Variants in GABRB2 observed in about 807,000 individuals in gnomAD.
The protein encoded by GABRB2 is gamma-aminobutyric acid receptor subunit beta-2.
GABRB2 carries 16 observed loss-of-function variants against 54.7 expected under a neutral mutation model. That is an observed-to-expected ratio of 0.29 (90% CI 0.20 to 0.44). GABRB2 has a LOEUF of 0.44. Among genes scored for constraint, GABRB2 ranks in the 20% least tolerant of loss-of-function variants. GABRB2 has a pLI of 1.00. For synonymous variants in GABRB2, 244 were observed against 233.8 expected, an observed-to-expected ratio of 1.04 and a Z score of -0.40; for missense variants, 355 against 644.0, an observed-to-expected ratio of 0.55 and a Z score of 4.86.
At chr5:161,326,287 CACACAT>C in intron 9 of GABRB2, 75 bp downstream of exon 9, 1 of 1,576,586 alleles carries the variant, frequency 6.3e-7, no homozygotes, top group Non-Finnish European at 8.6e-7. Context: ...GCAAAGATCC[CACACAT>C]TTTTTAAGGG....
At chr5:161,353,407 G>A (rs1211703483) in intron 5 of GABRB2, among the ~76,000 whole-genome samples, 1 of 152,060 alleles carries the variant, frequency 6.6e-6, no homozygotes, top group African/African-American at 2.4e-5. Context: ...AGTTGAGAAT[G>A]GGGAAGCCCC....
At chr5:161,318,750 C>G (rs57107021) in intron 9 of GABRB2, among the ~76,000 whole-genome samples, 1 of 151,750 alleles carries the variant, frequency 6.6e-6, no homozygotes, top group African/African-American at 2.4e-5. Context: ...GAAATAAAAT[C>G]AAAAATAAAA....
At chr5:161,330,095 G>A (rs953019796) in intron 8 of GABRB2, 1 of 151,380 alleles carries the variant, frequency 6.6e-6, no homozygotes, top group Non-Finnish European at 1.5e-5. Context: ...AGGGGACCAA[G>A]GCTTCAGTAT....
intron 5 of GABRB2, among the ~76,000 whole-genome samples, chr5:161,363,366 T>C (rs1010724798): frequency 2.0e-5 from 3 of 151,942 alleles, no homozygotes; most frequent in African/African-American, 7.3e-5. Flanking sequence ...CATCACACAC[T>C]GGTGCCTGTT....
chr5:161,395,541 A>T (rs1246342628), intron 5 of GABRB2, among the ~76,000 whole-genome samples: 1 of 152,186 alleles, frequency 6.6e-6, no homozygotes, highest in Non-Finnish European at 1.5e-5. Flanking sequence ...GACATTTATT[A>T]TGAAATAACA....
At chr5:161,368,025 A>G (rs1755018728) in intron 5 of GABRB2, among the ~76,000 whole-genome samples, 1 of 151,922 alleles carries the variant, frequency 6.6e-6, no homozygotes, top group Admixed American at 6.6e-5. Context: ...CTATTGTCCA[A>G]TATGCACAGG....
chr5:161,434,826 G>A (rs184011450), intron 4 of GABRB2, among the ~76,000 whole-genome samples: 1 of 152,248 alleles, frequency 6.6e-6, no homozygotes, highest in East Asian at 1.9e-4. Context: ...TTACAAATGA[G>A]GCCACAGTGG....
At chr5:161,525,691 G>T (rs892535968) in intron 3 of GABRB2, among the ~76,000 whole-genome samples, 8 of 151,114 alleles carry the variant, frequency 5.3e-5, no homozygotes, top group Non-Finnish European at 1.0e-4. Flanking sequence ...TGCCTAGATT[G>T]AATTATAAGA....
intron 5 of GABRB2, among the ~76,000 whole-genome samples, chr5:161,375,878 G>C (rs990303075): frequency 1.3e-5 from 2 of 152,046 alleles, no homozygotes; most frequent in African/African-American, 4.8e-5. Flanking sequence ...GACCAACCAG[G>C]ATAAAAAAGT....
chr5:161,371,642 G>A (rs1278225584), intron 5 of GABRB2, among the ~76,000 whole-genome samples: 2 of 152,132 alleles, frequency 1.3e-5, no homozygotes, highest in East Asian at 1.9e-4. Flanking sequence ...AATGCTAAAA[G>A]TCTGAGGATA....
chr5:161,386,552 T>TA (rs1053580773), intron 5 of GABRB2, among the ~76,000 whole-genome samples: 5 of 152,290 alleles, frequency 3.3e-5, no homozygotes, highest in African/African-American at 1.2e-4. Flanking sequence ...TCATACTTTT[T>TA]AAAATTTTTT....
chr5:161,426,379 G>A (rs940224927), intron 4 of GABRB2, among the ~76,000 whole-genome samples: 2 of 152,038 alleles, frequency 1.3e-5, no homozygotes, highest in Non-Finnish European at 2.9e-5. Flanking sequence ...GTTCTAAAGG[G>A]TCGACTGGGG....
chr5:161,530,903 C>T (rs1404070203), intron 3 of GABRB2, among the ~76,000 whole-genome samples: 2 of 152,090 alleles, frequency 1.3e-5, no homozygotes, highest in African/African-American at 4.8e-5. Context: ...GCCCTACCCA[C>T]GTCAGAAGCA....
chr5:161,322,983 C>G (rs1758255337), intron 9 of GABRB2, among the ~76,000 whole-genome samples: 1 of 149,796 alleles, frequency 6.7e-6, no homozygotes. Flanking sequence ...TTTAAATATA[C>G]TTTTAAAATA....
chr5:161,421,063 A>G (rs1756832742), intron 4 of GABRB2, among the ~76,000 whole-genome samples: 1 of 152,116 alleles, frequency 6.6e-6, no homozygotes, highest in Non-Finnish European at 1.5e-5. Context: ...CCACTGCCTC[A>G]TCCCCAGTTT....
chr5:161,364,182 T>G (rs1285302481), intron 5 of GABRB2, among the ~76,000 whole-genome samples: 2 of 152,142 alleles, frequency 1.3e-5, no homozygotes, highest in Non-Finnish European at 2.9e-5. Flanking sequence ...AAAAATAGGA[T>G]TATTTATGAT....
chr5:161,494,205 A>G (rs1316011388), intron 3 of GABRB2, among the ~76,000 whole-genome samples: 1 of 151,836 alleles, frequency 6.6e-6, no homozygotes, highest in Non-Finnish European at 1.5e-5. Context: ...ACAAGATTGG[A>G]TAAACATTCC....
intron 8 of GABRB2, among the ~76,000 whole-genome samples, chr5:161,327,638 C>T (rs1282588763): frequency 6.6e-6 from 1 of 152,086 alleles, no homozygotes; most frequent in African/African-American, 2.4e-5. Flanking sequence ...GTAGCATCTG[C>T]TGAATCAACA....
intron 3 of GABRB2, among the ~76,000 whole-genome samples, chr5:161,485,504 C>T (rs982592613): frequency 2.0e-5 from 3 of 151,944 alleles, no homozygotes; most frequent in African/African-American, 4.8e-5. Context: ...TTCATAGAAA[C>T]TCTGCCCTGA....
Sources: allele counts gnomAD v4.1 joint callset (sites outside exome capture counted in the v4.1 genomes callset), GRCh38; gene constraint gnomAD v4.1.1; transcripts MANE v1.5; gene names NCBI Gene and HGNC (gene_info 2026-07-23, HGNC 2026-07-21).